Variants in C19orf38 observed in about 807,000 individuals in gnomAD.
C19orf38 encodes chromosome 19 open reading frame 38, also known as protein HIDE1.
C19orf38 carries 14 observed loss-of-function variants against 26.6 expected under a neutral mutation model. The observed-to-expected ratio is 0.53, with a 90% CI of 0.35 to 0.82. The LOEUF (loss-of-function observed/expected upper bound fraction) is 0.82. Ranked by LOEUF, C19orf38 falls within the 40% of genes least tolerant of loss-of-function variation. The pLI is 0.01. For missense variants in C19orf38, 261 were observed against 299.5 expected (o/e 0.87, Z 0.95); for synonymous variants, 132 against 128.5 (o/e 1.03, Z -0.18).
intron 5 of C19orf38, among the ~76,000 whole-genome samples, chr19:10,862,201 G>GTTTTTTT (rs566409872): frequency 8.3e-6 from 1 of 120,916 alleles, no homozygotes; most frequent in Non-Finnish European, 1.7e-5. Flanking sequence ...CGCCCAGCCT[G>GTTTTTTT]TTTTTTTTTT....
intron 6 of C19orf38, 79 bp downstream of exon 6, chr19:10,863,286 C>A (rs374011454): frequency 1.4e-5 from 21 of 1,461,922 alleles, no homozygotes; most frequent in Non-Finnish European, 2.0e-5. Flanking sequence ...AGGGGCACCA[C>A]GAGGCTAAGT....
At chr19:10,837,130 G>A (rs1345413310) in intron 1 of C19orf38, among the ~76,000 whole-genome samples, 7 of 152,222 alleles carry the variant, frequency 4.6e-5, no homozygotes, top group Non-Finnish European at 7.3e-5. Flanking sequence ...GCTGTCTTTA[G>A]GATACGTGAA....
At chr19:10,857,183 T>C (rs1235099115) in intron 3 of C19orf38, among the ~76,000 whole-genome samples, 2 of 150,696 alleles carry the variant, frequency 1.3e-5, no homozygotes, top group Admixed American at 1.3e-4. Context: ...GTGATCTTCC[T>C]GCCTCAGCCT....
At chr19:10,865,167 T>G (rs975037017) in intron 6 of C19orf38, among the ~76,000 whole-genome samples, 7 of 152,220 alleles carry the variant, frequency 4.6e-5, no homozygotes, top group African/African-American at 1.7e-4. Flanking sequence ...TTGTTTGTTT[T>G]TTGAGATGGA....
At chr19:10,853,869 T>A in intron 2 of C19orf38, among the ~76,000 whole-genome samples, 1 of 151,502 alleles carries the variant, frequency 6.6e-6, no homozygotes, top group Non-Finnish European at 1.5e-5. Context: ...GTGCTGAGAT[T>A]ACAGGCGTGA....
chr19:10,853,332 A>T (rs1007765631), intron 2 of C19orf38, among the ~76,000 whole-genome samples: 6 of 151,400 alleles, frequency 4.0e-5, no homozygotes, highest in Non-Finnish European at 7.4e-5. Flanking sequence ...AGGTTCAAGC[A>T]ATTCTCCTGC....
Position 10,859,376 on chromosome 19 carries a change from ATATATATATTTT to A in C19orf38, c.462-537_462-526del, listed in dbSNP as rs1342857445. On this transcript the variant is annotated intron_variant, in intron 4 of 6. Transcript: ENST00000397820. ...TATATATATATATATATATATATAT[ATATATATATTTT>A]TTTTTTTTTTTTTAGACGGAGTCTC... Among the ~76,000 whole-genome samples the A allele has an allele frequency of 6.3e-3, 266 of 42,268 alleles. 4 individuals carry two copies. Among genetic ancestry groups the A allele is most frequent in the African/African-American group, 0.022 (228 of 10,482 alleles). The allele number at this position is 42,268 out of a possible 152,430, so 27.7% of individuals were successfully genotyped here.
chr19:10,846,768 G>A (rs967463732), upstream of C19orf38, among the ~76,000 whole-genome samples: 25 of 152,308 alleles, frequency 1.6e-4, no homozygotes, highest in African/African-American at 5.5e-4. Flanking sequence ...GATGAAATGA[G>A]CAAATTCCTT....
At position 10,860,081 on chromosome 19, in the gene C19orf38, C is replaced by T. The variant is rs557735708; in HGVS notation, c.505+123C>T. The T allele has an allele frequency of 1.7e-5, 16 of 932,434 alleles. No homozygotes were observed. In the African/African-American group the frequency reaches 2.6e-4, roughly 15 times the overall value. The allele number at this position is 932,434 out of a possible 1,614,324, so 57.8% of individuals were successfully genotyped here. On this transcript the variant is annotated intron_variant, in intron 5 of 6. Coordinates refer to ENST00000397820, the MANE Select transcript of C19orf38 (RefSeq NM_001136482.3). ...GCTTGTTCCCTTTAGGGTCAAAACA[C>T]ACCCTCGCCACCTCTTCCCCTGGGT...
At chr19:10,848,059 C>T (rs1034308987), upstream of C19orf38, among the ~76,000 whole-genome samples, 2 of 152,088 alleles carry the variant, frequency 1.3e-5, no homozygotes, top group Non-Finnish European at 2.9e-5. Flanking sequence ...TGCATGATGG[C>T]TCCTGCCTGT....
At chr19:10,844,087 C>T (rs8107085), upstream of C19orf38, among the ~76,000 whole-genome samples, 1 of 150,806 alleles carries the variant, frequency 6.6e-6, no homozygotes, top group Non-Finnish European at 1.5e-5. Flanking sequence ...GCACTCCAGC[C>T]GGGGCGACAA....
At chr19:10,840,797 G>A (rs757443097) in intron 1 of C19orf38, among the ~76,000 whole-genome samples, 2 of 152,212 alleles carry the variant, frequency 1.3e-5, no homozygotes, top group South Asian at 2.1e-4. Flanking sequence ...GATTACAGGC[G>A]TAAGCCACCG....
chr19:10,865,995 A>T (rs527682398), intron 6 of C19orf38, among the ~76,000 whole-genome samples: 19 of 150,286 alleles, frequency 1.3e-4, no homozygotes, highest in South Asian at 8.5e-4. Context: ...TTTTATATAT[A>T]TATTTATTTA....
chr19:10,845,137 G>A (rs562173697), upstream of C19orf38, among the ~76,000 whole-genome samples: 2 of 151,082 alleles, frequency 1.3e-5, no homozygotes, highest in South Asian at 4.2e-4. Flanking sequence ...AGCAGCCTGG[G>A]CAAGAAAGCA....
At chr19:10,863,337 C>T in intron 6 of C19orf38, 130 bp downstream of exon 6, 1 of 1,075,366 alleles carries the variant, frequency 9.3e-7, no homozygotes, top group Non-Finnish European at 1.4e-6. Flanking sequence ...TAGGAAAAGC[C>T]CAGAATCACT....
chr19:10,845,084 G>A (rs2073506794), upstream of C19orf38, among the ~76,000 whole-genome samples: 1 of 150,854 alleles, frequency 6.6e-6, no homozygotes, highest in Non-Finnish European at 1.5e-5. Context: ...TTGAGCCTGA[G>A]AGATGGAGAC....
rs1034933781 is a variant in C19orf38 at position 10,858,358 on chromosome 19, G to GGA, written c.461+18_461+19dup. On this transcript the variant is annotated intron_variant, in intron 4 of 6. Coordinates refer to ENST00000397820, the MANE Select transcript of C19orf38 (RefSeq NM_001136482.3). ...CAGAAGAAAAGGTGAGATCATCCCT[G>GGA]GAGACCCACAGAGGGTGGTTTGGGG... 6.5e-7 allele frequency: 1 copy of GGA among 1,546,112 alleles called. No homozygotes were observed. Among genetic ancestry groups the GGA allele is most frequent in the African/African-American group, 1.4e-5 (1 of 72,848 alleles).
At chr19:10,840,746 T>C (rs1671027329) in intron 1 of C19orf38, among the ~76,000 whole-genome samples, 1 of 152,028 alleles carries the variant, frequency 6.6e-6, no homozygotes, top group Middle Eastern at 3.5e-3. Context: ...CTCAATCTCT[T>C]GACCTCGTGA....
intron 2 of C19orf38, 85 bp from the exon 3 acceptor site, chr19:10,856,180 G>T (rs181438862): frequency 1.8e-4 from 184 of 1,051,154 alleles, no homozygotes; most frequent in Non-Finnish European, 2.1e-4. Context: ...TTTGGTTGGG[G>T]GTTATGGGGT....
Sources: gnomAD v4.1 joint callset for allele counts (sites outside exome capture counted in the v4.1 genomes callset) on GRCh38, gnomAD v4.1.1 for gene constraint, MANE v1.5 for transcripts, NCBI Gene and HGNC (gene_info 2026-07-23, HGNC 2026-07-21) for gene names.